The following PTPRG variants were observed in gnomAD, a reference collection of about 807,000 sequenced individuals.
The protein encoded by PTPRG is receptor-type tyrosine-protein phosphatase gamma.
Under a neutral mutation model 165.3 loss-of-function variants are expected in PTPRG, and 102 were observed. The ratio of observed to expected loss-of-function variants is 0.62; its 90% confidence interval spans 0.53 to 0.73. The LOEUF (loss-of-function observed/expected upper bound fraction) is 0.73, where lower values mean the gene tolerates loss of function less well. PTPRG is among the 30% of genes least tolerant of loss of function. PTPRG has a pLI of 0.00. For synonymous variants in PTPRG, 675 were observed against 669.5 expected (o/e 1.01, Z -0.13); for missense variants, 1,866 against 1,861.4 (o/e 1.00, Z -0.05).
chr3:61,944,789 C>T (rs77390973), intron 2 of PTPRG, among the ~76,000 whole-genome samples: 1,836 of 152,286 alleles, frequency 0.012, 36 homozygotes, highest in African/African-American at 0.042. Flanking sequence ...ATTACTGTTA[C>T]GCTGTAGCAT....
intron 5 of PTPRG, among the ~76,000 whole-genome samples, chr3:62,121,110 ATTTTTT>A (rs67168345): frequency 7.1e-6 from 1 of 141,548 alleles, no homozygotes; most frequent in African/African-American, 2.6e-5. Context: ...AGCCTGGCTA[ATTTTTT>A]TTTTTTTTTT....
intron 1 of PTPRG, among the ~76,000 whole-genome samples, chr3:61,708,685 C>G (rs2031391417): frequency 6.6e-6 from 1 of 152,018 alleles, no homozygotes; most frequent in Admixed American, 6.5e-5. Context: ...TCTCGATCTC[C>G]TGACCTCATG....
intron 1 of PTPRG, among the ~76,000 whole-genome samples, chr3:61,576,159 G>A (rs1190430313): frequency 2.6e-5 from 4 of 152,172 alleles, no homozygotes; most frequent in Non-Finnish European, 5.9e-5. Context: ...GATGAATTAA[G>A]GCTCACAGGG....
chr3:61,754,188 T>G (rs527283134), intron 2 of PTPRG, among the ~76,000 whole-genome samples: 1 of 152,270 alleles, frequency 6.6e-6, no homozygotes, highest in South Asian at 2.1e-4. Flanking sequence ...TCAAGCAGGA[T>G]TATTCTAAGA....
chr3:62,078,302 A>AT lies in PTPRG; in HGVS notation c.615+52dup, dbSNP rs748578773. ...AAGTACTTCAAAGAATTCTTTGAGT[A>AT]TTTTTTTTAATTTGCCGAATTGTTC... On this transcript the variant is annotated intron_variant, in intron 5 of 29. Coordinates refer to ENST00000474889, the MANE Select transcript of PTPRG (RefSeq NM_002841.4). The AT allele has an allele frequency of 7.6e-5, 103 of 1,346,854 alleles. No homozygotes were observed. In the East Asian group the frequency reaches 1.2e-3, roughly 15 times the overall value. The allele number at this position is 1,346,854 out of a possible 1,614,324, so 83.4% of individuals were successfully genotyped here. A position where few individuals can be genotyped will look rare whatever the true frequency, so the allele number is the denominator to read the frequency against.
intron 1 of PTPRG, among the ~76,000 whole-genome samples, chr3:61,583,512 A>G (rs1575517895): frequency 6.6e-6 from 1 of 152,092 alleles, no homozygotes; most frequent in African/African-American, 2.4e-5. Flanking sequence ...TGTTGTTTTT[A>G]TTGTACTGCT....
At chr3:61,887,170 A>ATATATATT (rs60282456) in intron 2 of PTPRG, among the ~76,000 whole-genome samples, 16 of 115,526 alleles carry the variant, frequency 1.4e-4, no homozygotes, top group East Asian at 6.6e-4. Flanking sequence ...ATATATATAT[A>ATATATATT]TTTTTAATGC....
intron 2 of PTPRG, among the ~76,000 whole-genome samples, chr3:61,885,376 C>T (rs1321353371): frequency 6.6e-6 from 1 of 151,342 alleles, no homozygotes; most frequent in African/African-American, 2.4e-5. Context: ...ATCCATACTT[C>T]TGCCCCCAAG....
chr3:62,187,590 G>A (rs929928631), intron 8 of PTPRG, among the ~76,000 whole-genome samples: 1 of 152,248 alleles, frequency 6.6e-6, no homozygotes, highest in Non-Finnish European at 1.5e-5. Context: ...GGTGGAATCA[G>A]TAGTGGTTAC....
rs537015982 is a variant in PTPRG at position 62,264,038 on chromosome 3, C to T, written c.2656+1144C>T. The T allele has an allele frequency of 3.8e-3, 578 of 151,490 alleles. 1 individual carries two copies. Among genetic ancestry groups the T allele is most frequent in the Non-Finnish European group, 6.5e-3 (443 of 68,184 alleles). The allele number at this position is 151,490 out of a possible 1,614,324, so 9.4% of individuals were successfully genotyped here. ...GCAGGCGCCTGTAGTCCCAGCTACT[C>T]GGGAGGCTAAGGCAGGAGAATGGCA... On this transcript the variant is annotated intron_variant, in intron 17 of 29. Coordinates refer to ENST00000474889, the MANE Select transcript of PTPRG (RefSeq NM_002841.4).
At chr3:62,003,646 A>T in intron 4 of PTPRG, 149 bp downstream of exon 4, 1 of 987,818 alleles carries the variant, frequency 1.0e-6, no homozygotes, top group East Asian at 2.7e-5. Context: ...ATAGTATGGC[A>T]GGTGGGTATC....
intron 9 of PTPRG, among the ~76,000 whole-genome samples, chr3:62,194,694 T>C (rs921517352): frequency 3.9e-5 from 6 of 151,962 alleles, no homozygotes; most frequent in African/African-American, 1.4e-4. Flanking sequence ...TCCCAGCTAC[T>C]CGGGAGGCTG....
chr3:62,031,765 A>C (rs1292917881), intron 4 of PTPRG, among the ~76,000 whole-genome samples: 1 of 152,158 alleles, frequency 6.6e-6, no homozygotes, highest in Non-Finnish European at 1.5e-5. Flanking sequence ...AATGAGGTTG[A>C]CAATTCTTGG....
At chr3:61,626,560 A>G (rs532401087) in intron 1 of PTPRG, among the ~76,000 whole-genome samples, 1 of 152,352 alleles carries the variant, frequency 6.6e-6, no homozygotes, top group Non-Finnish European at 1.5e-5. Flanking sequence ...TGAGACAGAA[A>G]GATGACATTG....
At chr3:61,836,310 A>C (rs989189022) in intron 2 of PTPRG, among the ~76,000 whole-genome samples, 1 of 151,888 alleles carries the variant, frequency 6.6e-6, no homozygotes, top group African/African-American at 2.4e-5. Context: ...TGTACCCCTC[A>C]CCTTCCTCAT....
At chr3:61,727,599 C>T (rs530483481) in intron 1 of PTPRG, among the ~76,000 whole-genome samples, 1 of 151,854 alleles carries the variant, frequency 6.6e-6, no homozygotes, top group Non-Finnish European at 1.5e-5. Flanking sequence ...CAAAGGCATG[C>T]CAGAATATGA....
intron 7 of PTPRG, among the ~76,000 whole-genome samples, chr3:62,164,894 C>T (rs116438204): frequency 6.6e-6 from 1 of 152,172 alleles, no homozygotes; most frequent in Admixed American, 6.5e-5. Context: ...CTGAGACAGG[C>T]CATTCTTTTC....
rs1217412677 is a variant in PTPRG, at chr3:61,661,948, A to AT, written c.86-86922dup. On this transcript the variant is annotated intron_variant, in intron 1 of 29. Coordinates refer to ENST00000474889, the MANE Select transcript of PTPRG (RefSeq NM_002841.4). The stretch of plus-strand genomic sequence containing the variant: ...CACCAGGCTTAATGCCTCATCAAGT[A>AT]TTTTTTTTCTTTATTATTTATACAT... 3.3e-5 allele frequency among the ~76,000 whole-genome samples: 5 copies of AT among 152,146 alleles called. No homozygotes were observed. In the South Asian group the frequency reaches 6.2e-4, roughly 19 times the overall value.
intron 1 of PTPRG, among the ~76,000 whole-genome samples, chr3:61,643,356 C>A (rs553561674): frequency 2.0e-5 from 3 of 152,136 alleles, no homozygotes; most frequent in South Asian, 2.1e-4. Context: ...TATTTAGATC[C>A]CAATTCAAAT....
Sources: allele counts gnomAD v4.1 joint callset (sites outside exome capture counted in the v4.1 genomes callset), GRCh38; gene constraint gnomAD v4.1.1; transcripts MANE v1.5; gene names NCBI Gene and HGNC (gene_info 2026-07-23, HGNC 2026-07-21).